The following NAT9 variants were observed in gnomAD, a reference collection of about 807,000 sequenced individuals.
NAT9 encodes the protein N-acetyltransferase 9, also known as alpha/beta-tubulin-N-acetyltransferase 9.
NAT9 carries 18 observed loss-of-function variants against 24.0 expected under a neutral mutation model. That is an observed-to-expected ratio of 0.75 (90% CI 0.52 to 1.11). The LOEUF is 1.11. NAT9 is among the 50% of genes most tolerant of loss of function. The pLI, the probability that NAT9 is intolerant of heterozygous loss-of-function variation, is 0.00. For synonymous variants in NAT9, 104 were observed against 102.3 expected (o/e 1.02, Z -0.10); for missense variants, 254 against 258.6 (o/e 0.98, Z 0.12).
rs1249739287 is a variant in NAT9, at chr17:74,772,033, G to A, written c.416C>T (p.Thr139Ile). ...LSYGVTTLGL[T>I]KFEAKIGQGN... Reference sequence around the variant, plus strand: ...TTGCCCAATTTTAGCCTCAAACTTGGTCAGACCTAGCGTGGTCACTCCTCG... The same window carrying A: ...TTGCCCAATTTTAGCCTCAAACTTGATCAGACCTAGCGTGGTCACTCCTCG... Residue 139 changes from threonine (T) to isoleucine (I), a missense_variant, in exon 6 of 7, where the codon ACC (threonine) becomes ATC (isoleucine). Physicochemically the swap from Thr to Ile is moderately conservative, Grantham distance 89. Transcript: ENST00000357814. The A allele has an allele frequency of 6.2e-7, 1 of 1,614,198 alleles. No individual in the cohort carries two copies. The highest frequency in any genetic ancestry group is 1.1e-5 in the South Asian group (1 of 91,084).
In NAT9 at chr17:74,771,191, C is replaced by T. The variant is rs138510108; in HGVS notation, c.*533G>A. ...CTCACTCTGGACCACCTGTTGTTCC[C>T]GGGTCAAGTTCCCAGGGTCACACCA... On this transcript the variant is annotated 3_prime_UTR_variant, in exon 7 of 7. Coordinates refer to ENST00000357814, the MANE Select transcript of NAT9 (RefSeq NM_015654.5). The T allele has an allele frequency of 4.1e-3, 697 of 169,940 alleles. 6 individuals are homozygous for T. The highest frequency in any genetic ancestry group is 0.025 in the South Asian group (181 of 7,352). The allele number at this position is 169,940 out of a possible 1,614,324, so 10.5% of individuals were successfully genotyped here. A position where few individuals can be genotyped will look rare whatever the true frequency, so the allele number is the denominator to read the frequency against.
In NAT9 at chr17:74,772,983, C is replaced by T. The variant is rs199539146; in HGVS notation, c.247G>A (p.Glu83Lys). Residue 83 changes from glutamate to lysine, a missense_variant, in exon 4 of 7, where the codon GAA (glutamate) becomes AAA (lysine). Coordinates refer to ENST00000357814, the MANE Select transcript of NAT9 (RefSeq NM_015654.5). ...EKWQAQPGAT[E>K]ESCMVGDVNL... Reference sequence around the variant, plus strand: ...ACATCTCCCACCATGCAGCTCTCTTCGGTGGCGCCTGGCTGGGCCTGCCAC... The same window carrying T: ...ACATCTCCCACCATGCAGCTCTCTTTGGTGGCGCCTGGCTGGGCCTGCCAC... 2.4e-5 allele frequency: 38 copies of T among 1,614,032 alleles called. No individual in the cohort carries two copies. The highest frequency in any genetic ancestry group is 4.0e-5 in the African/African-American group (3 of 75,012).
chr17:74,773,345 T>A (rs1001480797), intron 3 of NAT9: 11 of 593,780 alleles, frequency 1.9e-5, no homozygotes, highest in Non-Finnish European at 3.3e-5. Context: ...CCCCAAATGC[T>A]CTACTTTCTC....
At chr17:74,774,043 C>T (rs1006670670) in intron 2 of NAT9, 1 of 218,086 alleles carries the variant, frequency 4.6e-6, no homozygotes, top group African/African-American at 2.2e-5. Context: ...ACCAGGAACC[C>T]TCAAACGGAA....
intron 4 of NAT9, 100 bp downstream of exon 4, chr17:74,772,796 A>G (rs1264656161): frequency 1.5e-5 from 23 of 1,532,384 alleles, no homozygotes; most frequent in Non-Finnish European, 2.0e-5. Context: ...GGAGCCTCCC[A>G]GTGAACCCTG....
At chr17:74,773,221 G>T in intron 3 of NAT9, 182 bp from the exon 4 acceptor site, 1 of 771,684 alleles carries the variant, frequency 1.3e-6, no homozygotes, top group Non-Finnish European at 2.0e-6. Context: ...TACAGAAAAA[G>T]CCTCTCCAAC....
At chr17:74,774,753 T>G (rs1444938385) in intron 2 of NAT9, among the ~76,000 whole-genome samples, 1 of 152,102 alleles carries the variant, frequency 6.6e-6, no homozygotes, top group African/African-American at 2.4e-5. Flanking sequence ...GGTTTCACCA[T>G]GTTAGCCAGG....
chr17:74,772,533 G>A, intron 4 of NAT9: 1 of 1,410,330 alleles, frequency 7.1e-7, no homozygotes, highest in Non-Finnish European at 9.2e-7. Context: ...GCCACTTGGG[G>A]GAAACTGAGG....
chr17:74,775,590 G>C, intron 2 of NAT9, 32 bp downstream of exon 2: 13 of 1,573,322 alleles, frequency 8.3e-6, no homozygotes, highest in Non-Finnish European at 1.1e-5. Context: ...TCTGGGTGCT[G>C]ATACGCACCC....
intron 2 of NAT9, 27 bp downstream of exon 2, chr17:74,775,595 G>C: frequency 1.9e-6 from 3 of 1,599,108 alleles, no homozygotes; most frequent in Non-Finnish European, 2.6e-6. Context: ...GTGCTGATAC[G>C]CACCCCATGT....
In NAT9 at chr17:74,772,059, C is replaced by A. The variant is rs1424596957; in HGVS notation, c.395-5G>T. The A allele has an allele frequency of 1.9e-6, 3 of 1,614,066 alleles. No individual in the cohort carries two copies. The African/African-American group carries it at 4.0e-5, about 22-fold the overall frequency. Reference sequence around the variant, plus strand: ...TCAGACCTAGCGTGGTCACTCCTCGCAGAGGAGATGAGACAGGGGCAAGTA... The same window carrying A: ...TCAGACCTAGCGTGGTCACTCCTCGAAGAGGAGATGAGACAGGGGCAAGTA... On this transcript the variant is annotated splice_region_variant and splice_polypyrimidine_tract_variant and intron_variant, in intron 5 of 6. Coordinates refer to ENST00000357814, the MANE Select transcript of NAT9 (RefSeq NM_015654.5).
Position 74,771,375 on chromosome 17 carries a change from G to C in NAT9, c.*349C>G, listed in dbSNP as rs1218714756. The C allele has an allele frequency of 1.2e-5, 4 of 334,454 alleles. No individual in the cohort carries two copies. Among genetic ancestry groups the C allele is most frequent in the Non-Finnish European group, 2.3e-5 (4 of 175,240 alleles). The allele number at this position is 334,454 out of a possible 1,614,324, so 20.7% of individuals were successfully genotyped here. On this transcript the variant is annotated 3_prime_UTR_variant, in exon 7 of 7. Coordinates refer to ENST00000357814, the MANE Select transcript of NAT9 (RefSeq NM_015654.5). ...CCAGGGCAGCACCTCTGGCCTCTAA[G>C]GAGAAAGGCCTGTCCACTCCCATCC...
chr17:74,774,234 C>T (rs910081360), intron 2 of NAT9: 3 of 152,634 alleles, frequency 2.0e-5, no homozygotes, highest in Non-Finnish European at 4.4e-5. Context: ...ACTGAACATA[C>T]TCACTGGCAC....
In NAT9 at chr17:74,770,554, TATA is replaced by T. The variant is rs1433311804; in HGVS notation, c.*1167_*1169del. The T allele has an allele frequency of 3.3e-5, 5 of 152,210 alleles. No individual in the cohort carries two copies. Among genetic ancestry groups the T allele is most frequent in the South Asian group, 2.1e-4 (1 of 4,830 alleles). 9.4% of individuals were successfully genotyped at this position (152,210 alleles called of 1,614,324 possible). On this transcript the variant is annotated 3_prime_UTR_variant, in exon 7 of 7. Coordinates refer to ENST00000357814, the MANE Select transcript of NAT9 (RefSeq NM_015654.5). ...GCCACGGCAAGCAACGCGTTCGTTT[TATA>T]ATGTTTGTTTTATACTGAGGCATGT...
Position 74,773,674 on chromosome 17 carries a change from C to A in NAT9, c.92G>T (p.Trp31Leu), listed in dbSNP as rs750665700. Residue 31 changes from tryptophan to leucine, a missense_variant, in exon 3 of 7, where the codon TGG (tryptophan) becomes TTG (leucine). By Grantham distance (61) the Trp-to-Leu change is moderately conservative (BLOSUM62 -2). Transcript: ENST00000357814. ...ACGCTGCAGCTCCTCTGATTTCATCCACTCGTGGTACCTGCTGGGACAGAG... is the reference window on the plus strand; with the variant it reads ...ACGCTGCAGCTCCTCTGATTTCATCAACTCGTGGTACCTGCTGGGACAGAG... ...SEHVPSRYHE[W>L]MKSEELQRLT... 1.2e-5 allele frequency: 20 copies of A among 1,613,930 alleles called. No individual in the cohort carries two copies. Among genetic ancestry groups the A allele is most frequent in the Admixed American group, 8.3e-5 (5 of 59,994 alleles).
intron 3 of NAT9, 22 bp from the exon 4 acceptor site, chr17:74,773,061 T>C: frequency 6.2e-7 from 1 of 1,612,194 alleles, no homozygotes; most frequent in Non-Finnish European, 8.5e-7. Flanking sequence ...GTGACAGGGC[T>C]ATCACACACA....
intron 2 of NAT9, chr17:74,775,215 T>A (rs2035866543): frequency 6.3e-6 from 1 of 159,232 alleles, no homozygotes; most frequent in South Asian, 1.9e-4. Context: ...TGAGACAGGT[T>A]CTTGCTCTGT....
chr17:74,775,469 G>A, intron 2 of NAT9, 153 bp downstream of exon 2: 2 of 606,856 alleles, frequency 3.3e-6, no homozygotes, highest in African/African-American at 1.9e-5. Flanking sequence ...AATTACAGGC[G>A]TGAGCCACGG....
In NAT9 at chr17:74,772,992, C is replaced by G. The variant is rs750186961; in HGVS notation, c.238G>C (p.Gly80Arg). ...LDAEKWQAQP[G>R]ATEESCMVGD... Reference sequence around the variant, plus strand: ...ACCATGCAGCTCTCTTCGGTGGCGCCTGGCTGGGCCTGCCACTTCTCGGCA... The same window carrying G: ...ACCATGCAGCTCTCTTCGGTGGCGCGTGGCTGGGCCTGCCACTTCTCGGCA... Residue 80 changes from glycine to arginine, a missense_variant, in exon 4 of 7, where the codon GGC becomes CGC. Transcript: ENST00000357814. 2.5e-6 allele frequency: 4 copies of G among 1,613,762 alleles called. No homozygotes were observed. The Admixed American group carries it at 5.0e-5, about 20-fold the overall frequency.
Sources: allele counts gnomAD v4.1 joint callset (sites outside exome capture counted in the v4.1 genomes callset), GRCh38; gene constraint gnomAD v4.1.1; transcripts MANE v1.5; gene names NCBI Gene and HGNC (gene_info 2026-07-23, HGNC 2026-07-21).